The following CLSTN2 variants were observed in gnomAD, a reference collection of about 807,000 sequenced individuals.
CLSTN2 encodes the protein calsyntenin-2.
In CLSTN2, 48 loss-of-function variants were observed where a neutral mutation model predicts 101.2. That is an observed-to-expected ratio of 0.47 (90% CI 0.38 to 0.60). The LOEUF (loss-of-function observed/expected upper bound fraction) is 0.60. Among genes scored for constraint, CLSTN2 ranks in the 20% least tolerant of loss-of-function variants. CLSTN2 has a pLI of 0.00. For synonymous variants in CLSTN2, 481 were observed against 463.6 expected, an observed-to-expected ratio of 1.04 and a Z score of -0.48; for missense variants, 1,160 against 1,238.2, an observed-to-expected ratio of 0.94 and a Z score of 0.95.
At chr3:140,516,542 C>A (rs1469070399) in intron 8 of CLSTN2, among the ~76,000 whole-genome samples, 1 of 141,124 alleles carries the variant, frequency 7.1e-6, no homozygotes, top group South Asian at 2.2e-4. Flanking sequence ...GTAGTGAATT[C>A]TTTTGGCATT....
intron 4 of CLSTN2, among the ~76,000 whole-genome samples, chr3:140,418,087 G>C (rs1160229710): frequency 6.6e-6 from 1 of 152,158 alleles, no homozygotes; most frequent in African/African-American, 2.4e-5. Context: ...CCTTTTGTAA[G>C]AGGAGTATCT....
At chr3:140,260,961 G>A (rs1040674076) in intron 2 of CLSTN2, among the ~76,000 whole-genome samples, 1 of 152,162 alleles carries the variant, frequency 6.6e-6, no homozygotes, top group African/African-American at 2.4e-5. Flanking sequence ...AACCACAGGG[G>A]TGAGGTACCC....
Position 140,412,009 on chromosome 3 carries a change from A to T in CLSTN2, c.637+7243A>T, listed in dbSNP as rs572340544. On this transcript the variant is annotated intron_variant, in intron 4 of 16. Transcript: ENST00000458420. The stretch of plus-strand genomic sequence containing the variant: ...AATTAAACAGATTTTCCACGGGGAG[A>T]TTTGTTTTTGTTTTTGTTTTTTGAG... Among the ~76,000 whole-genome samples, 4 of 151,682 alleles carry T rather than the reference A, an allele frequency of 2.6e-5. No homozygotes were observed. The South Asian group carries it at 6.2e-4, about 24-fold the overall frequency.
chr3:140,044,070 T>G (rs1041814735), intron 1 of CLSTN2, among the ~76,000 whole-genome samples: 1 of 152,192 alleles, frequency 6.6e-6, no homozygotes, highest in Admixed American at 6.5e-5. Context: ...GTGAAGAAAG[T>G]CATTGGTAGC....
chr3:140,274,497 AG>A (rs568985711), intron 2 of CLSTN2, among the ~76,000 whole-genome samples: 1 of 152,332 alleles, frequency 6.6e-6, no homozygotes, highest in African/African-American at 2.4e-5. Flanking sequence ...AGACAGTAAT[AG>A]AACAAAAAGG....
At chr3:140,537,568 A>G (rs1935383167) in intron 9 of CLSTN2, among the ~76,000 whole-genome samples, 1 of 152,188 alleles carries the variant, frequency 6.6e-6, no homozygotes, top group South Asian at 2.1e-4. Context: ...TTCTGTGTCC[A>G]GGATGACACA....
intron 2 of CLSTN2, among the ~76,000 whole-genome samples, chr3:140,252,478 A>G (rs375476836): frequency 6.6e-6 from 1 of 152,320 alleles, no homozygotes; most frequent in Admixed American, 6.5e-5. Flanking sequence ...CATGTTAACA[A>G]GCTCTCTGCC....
chr3:140,209,008 G>C (rs182297349), intron 2 of CLSTN2, among the ~76,000 whole-genome samples: 130 of 152,282 alleles, frequency 8.5e-4, no homozygotes, highest in African/African-American at 3.1e-3. Flanking sequence ...CCAGTGTGTA[G>C]TAACCCCAAG....
intron 2 of CLSTN2, among the ~76,000 whole-genome samples, chr3:140,389,744 C>T (rs1242469663): frequency 6.6e-6 from 1 of 152,112 alleles, no homozygotes; most frequent in East Asian, 1.9e-4. Context: ...ATTTATATTC[C>T]ACCAACAGAT....
At chr3:140,198,982 C>A (rs2010684029) in intron 2 of CLSTN2, among the ~76,000 whole-genome samples, 1 of 152,164 alleles carries the variant, frequency 6.6e-6, no homozygotes, top group African/African-American at 2.4e-5. Flanking sequence ...GATTCTAATT[C>A]CCAGGTAGGA....
At chr3:139,997,165 T>C (rs1172097375) in intron 1 of CLSTN2, among the ~76,000 whole-genome samples, 1 of 152,194 alleles carries the variant, frequency 6.6e-6, no homozygotes, top group Non-Finnish European at 1.5e-5. Flanking sequence ...AGATTCTCGA[T>C]ATTAATATAT....
chr3:140,189,461 C>G (rs1439700686), intron 2 of CLSTN2, among the ~76,000 whole-genome samples: 1 of 152,094 alleles, frequency 6.6e-6, no homozygotes, highest in Non-Finnish European at 1.5e-5. Context: ...TATGTATTAT[C>G]TCATTGTGGT....
intron 2 of CLSTN2, among the ~76,000 whole-genome samples, chr3:140,192,104 G>A (rs2010573309): frequency 6.6e-6 from 1 of 151,928 alleles, no homozygotes; most frequent in Non-Finnish European, 1.5e-5. Flanking sequence ...GAAATGTGTT[G>A]CAAAGTTGCT....
chr3:140,012,027 G>T (rs1415876532), intron 1 of CLSTN2, among the ~76,000 whole-genome samples: 2 of 152,146 alleles, frequency 1.3e-5, no homozygotes, highest in African/African-American at 4.8e-5. Flanking sequence ...CCTGAAGAAG[G>T]CAAAGCTGAC....
chr3:140,520,626 C>A (rs1935004246), intron 8 of CLSTN2, among the ~76,000 whole-genome samples: 1 of 152,172 alleles, frequency 6.6e-6, no homozygotes, highest in Non-Finnish European at 1.5e-5. Flanking sequence ...GGGACACAGC[C>A]AAACCATATC....
chr3:140,550,633 C>T (rs1277819850), intron 10 of CLSTN2, among the ~76,000 whole-genome samples: 18 of 152,008 alleles, frequency 1.2e-4, no homozygotes, highest in Non-Finnish European at 2.4e-4. Context: ...GGTACTAGGC[C>T]CCATAGAGCA....
At chr3:140,279,300 C>T (rs775461585) in intron 2 of CLSTN2, among the ~76,000 whole-genome samples, 3 of 152,158 alleles carry the variant, frequency 2.0e-5, no homozygotes, top group Non-Finnish European at 2.9e-5. Context: ...GCTCAGCATC[C>T]GAATTCAGCA....
Position 140,208,896 on chromosome 3 carries a change from G to A in CLSTN2, c.232+32823G>A, listed in dbSNP as rs549133716. On this transcript the variant is annotated intron_variant, in intron 2 of 16. Transcript: ENST00000458420. ...TGTAACCATGCCTGACACATAGGAA[G>A]AGCTCAGTAAATGTTATTCATGCCT... is the stretch of plus-strand genomic sequence containing the variant. Among the ~76,000 whole-genome samples the A allele has an allele frequency of 2.0e-5, 3 of 152,252 alleles. No homozygotes were observed. The East Asian group carries it at 5.8e-4, about 29-fold the overall frequency.
chr3:140,159,027 A>T (rs1384689781), intron 1 of CLSTN2, among the ~76,000 whole-genome samples: 3 of 152,174 alleles, frequency 2.0e-5, no homozygotes, highest in African/African-American at 7.2e-5. Flanking sequence ...GCAAAAATTA[A>T]CTCAAATTGG....
Sources: allele counts gnomAD v4.1 joint callset (sites outside exome capture counted in the v4.1 genomes callset), GRCh38; gene constraint gnomAD v4.1.1; transcripts MANE v1.5; gene names NCBI Gene and HGNC (gene_info 2026-07-23, HGNC 2026-07-21).